Variants in B3GALT1 observed in about 807,000 individuals in gnomAD.
B3GALT1 encodes the protein beta-1,3-galactosyltransferase 1.
B3GALT1 carries 10 observed loss-of-function variants against 23.2 expected under a neutral mutation model. The observed-to-expected ratio is 0.43, with a 90% CI of 0.27 to 0.73. B3GALT1 has a LOEUF of 0.73. B3GALT1 is among the 30% of genes least tolerant of loss of function. The pLI is 0.21. For missense variants in B3GALT1, 299 were observed against 405.4 expected (o/e 0.74, Z 2.25); for synonymous variants, 156 against 141.5 (o/e 1.10, Z -0.73).
intron 1 of B3GALT1, among the ~76,000 whole-genome samples, chr2:167,358,159 C>T (rs938043719): frequency 2.0e-5 from 3 of 152,092 alleles, no homozygotes; most frequent in African/African-American, 4.8e-5. Flanking sequence ...TTCAGATGGC[C>T]AGAAATGGAG....
At chr2:167,544,395 A>G (rs1683590702) in intron 2 of B3GALT1, among the ~76,000 whole-genome samples, 1 of 152,002 alleles carries the variant, frequency 6.6e-6, no homozygotes, top group South Asian at 2.1e-4. Context: ...CCTGGGTTCA[A>G]GCAATTCTCC....
At chr2:167,850,340 T>C (rs1265556161) in intron 4 of B3GALT1, among the ~76,000 whole-genome samples, 1 of 152,110 alleles carries the variant, frequency 6.6e-6, no homozygotes, top group Non-Finnish European at 1.5e-5. Context: ...AGAACCACAA[T>C]GTCATACTAC....
chr2:167,410,604 G>A (rs1698376010), intron 1 of B3GALT1, among the ~76,000 whole-genome samples: 1 of 151,884 alleles, frequency 6.6e-6, no homozygotes. Context: ...GCAAGTGGAG[G>A]GAGAGCATTA....
chr2:167,868,754 A>G (rs1353247889), intron 4 of B3GALT1, among the ~76,000 whole-genome samples, 57 bp from the exon 5 acceptor site: 1 of 152,196 alleles, frequency 6.6e-6, no homozygotes, highest in African/African-American at 2.4e-5. Context: ...TGTTTATTTC[A>G]GTATGTAGAA....
At chr2:167,863,990 A>ATG (rs34276280) in intron 4 of B3GALT1, among the ~76,000 whole-genome samples, 5,582 of 143,632 alleles carry the variant, frequency 0.039, 141 homozygotes, top group Admixed American at 0.071. Flanking sequence ...GCATGTATGT[A>ATG]TGTGTGTGTG....
At chr2:167,718,051 A>T (rs1687178592) in intron 3 of B3GALT1, among the ~76,000 whole-genome samples, 1 of 152,220 alleles carries the variant, frequency 6.6e-6, no homozygotes, top group Non-Finnish European at 1.5e-5. Context: ...TTTCATCAGA[A>T]AACTCAGGTT....
At chr2:167,714,770 C>T in intron 3 of B3GALT1, 2 of 1,613,848 alleles carry the variant, frequency 1.2e-6, no homozygotes, top group Non-Finnish European at 1.7e-6. Context: ...GGCTAGCTTT[C>T]TATAGGTCTC....
At chr2:167,768,156 T>C (rs1016586574) in intron 3 of B3GALT1, among the ~76,000 whole-genome samples, 1 of 152,224 alleles carries the variant, frequency 6.6e-6, no homozygotes, top group African/African-American at 2.4e-5. Flanking sequence ...AGAGCATCCT[T>C]ACAGACACAT....
chr2:167,846,678 C>T (rs1438408805), intron 4 of B3GALT1, among the ~76,000 whole-genome samples: 2 of 152,008 alleles, frequency 1.3e-5, no homozygotes, highest in Non-Finnish European at 2.9e-5. Context: ...ACCTATAAAA[C>T]AAAAATATAA....
At chr2:167,778,161 G>A (rs1482445161) in intron 3 of B3GALT1, among the ~76,000 whole-genome samples, 2 of 152,178 alleles carry the variant, frequency 1.3e-5, no homozygotes, top group Non-Finnish European at 2.9e-5. Flanking sequence ...TAGACATTTT[G>A]CAGATGAACA....
At chr2:167,866,686 T>C (rs974945470) in intron 4 of B3GALT1, among the ~76,000 whole-genome samples, 4 of 152,186 alleles carry the variant, frequency 2.6e-5, no homozygotes, top group Non-Finnish European at 4.4e-5. Context: ...AAATATTACC[T>C]GACAGGAGCC....
At chr2:167,330,306 G>A (rs559672864) in intron 1 of B3GALT1, among the ~76,000 whole-genome samples, 1 of 152,058 alleles carries the variant, frequency 6.6e-6, no homozygotes, top group Non-Finnish European at 1.5e-5. Flanking sequence ...TATTGTTGAA[G>A]CTTTCAAATG....
chr2:167,682,439 C>A (rs1038784439), intron 3 of B3GALT1, among the ~76,000 whole-genome samples: 3 of 152,144 alleles, frequency 2.0e-5, no homozygotes, highest in Admixed American at 6.5e-5. Flanking sequence ...AAATGCTCTG[C>A]CCTCTTCTGC....
chr2:167,329,665 T>A (rs1486699149), intron 1 of B3GALT1, among the ~76,000 whole-genome samples: 3 of 152,228 alleles, frequency 2.0e-5, no homozygotes. Flanking sequence ...TGCATATATA[T>A]TTAGAACTTG....
rs1348311316 is a variant in B3GALT1, at chr2:167,563,380, CCCGGACGGGGCGGCTGG to C, written c.-410+73108_-410+73124del. The stretch of plus-strand genomic sequence containing the variant: ...GGCTGACTCCCCCACCTCCCTCCCT[CCCGGACGGGGCGGCTGG>C]CCGGGCGGGGGGCTGACCCCTCCAC... On this transcript the variant is annotated intron_variant, in intron 2 of 4. Transcript: ENST00000392690. Among the ~76,000 whole-genome samples, 3 of 135,942 alleles carry C rather than the reference CCCGGACGGGGCGGCTGG, an allele frequency of 2.2e-5. No individual in the cohort carries two copies. The East Asian group carries it at 7.7e-4, about 35-fold the overall frequency. 89.2% of individuals were successfully genotyped at this position (135,942 alleles called of 152,430 possible). A position where few individuals can be genotyped will look rare whatever the true frequency, so the allele number is the denominator to read the frequency against.
chr2:167,538,220 A>T (rs1683462637), intron 2 of B3GALT1, among the ~76,000 whole-genome samples: 1 of 152,196 alleles, frequency 6.6e-6, no homozygotes, highest in Non-Finnish European at 1.5e-5. Flanking sequence ...ACTAAGATTT[A>T]TGCCACATCT....
At chr2:167,492,901 G>GTGTGTA (rs888490023) in intron 2 of B3GALT1, among the ~76,000 whole-genome samples, 2 of 151,830 alleles carry the variant, frequency 1.3e-5, no homozygotes, top group African/African-American at 2.4e-5. Context: ...GTGTGTGTGT[G>GTGTGTA]TACCTAGTAT....
chr2:167,645,179 G>A (rs960397534), intron 2 of B3GALT1, among the ~76,000 whole-genome samples: 1 of 152,082 alleles, frequency 6.6e-6, no homozygotes, highest in African/African-American at 2.4e-5. Flanking sequence ...GTCCACCATT[G>A]CTCAGTAAAG....
chr2:167,683,827 G>A (rs1012726888), intron 3 of B3GALT1, among the ~76,000 whole-genome samples: 3 of 152,130 alleles, frequency 2.0e-5, no homozygotes, highest in African/African-American at 4.8e-5. Flanking sequence ...ACTATGTTTC[G>A]AAAGAACTTA....
Sources: allele counts gnomAD v4.1 joint callset (sites outside exome capture counted in the v4.1 genomes callset), GRCh38; gene constraint gnomAD v4.1.1; transcripts MANE v1.5; gene names NCBI Gene and HGNC (gene_info 2026-07-23, HGNC 2026-07-21).